The following CCDC157 variants were observed in gnomAD, a reference collection of about 807,000 sequenced individuals.
CCDC157 encodes the protein coiled-coil domain-containing protein 157.
CCDC157 carries 60 observed loss-of-function variants against 70.9 expected under a neutral mutation model. That is an observed-to-expected ratio of 0.85 (90% CI 0.69 to 1.05). The LOEUF is 1.05. Among genes scored for constraint, CCDC157 ranks in the 50% least tolerant of loss-of-function variants. The pLI is 0.00. For synonymous variants in CCDC157, 373 were observed against 422.4 expected (o/e 0.88, Z 1.43); for missense variants, 943 against 984.2 (o/e 0.96, Z 0.56).
At chr22:30,363,205 C>T (rs959587377) in intron 2 of CCDC157, among the ~76,000 whole-genome samples, 1 of 152,180 alleles carries the variant, frequency 6.6e-6, no homozygotes, top group Non-Finnish European at 1.5e-5. Flanking sequence ...GCTTCTCCAC[C>T]TTCTGAGTCA....
rs988810802 is a variant in CCDC157, at chr22:30,373,638, C to T, written c.1377C>T (p.Asp459=). 6.4e-7 allele frequency: 1 copy of T among 1,558,084 alleles called. No homozygotes were observed. The highest frequency in any genetic ancestry group is 1.2e-5 in the South Asian group (1 of 84,824). ...AGCGAGCCCTGCTAAAGCAGCTGGA[C>T]AGCCTGGACCAGGAACGTGAGGAGC... ...AKQRALLKQL[D]SLDQEREELR... is the part of the protein sequence containing the mutation. The change falls in exon 8 of 12, where the codon GAC becomes GAT. Residue 459 remains aspartate, a synonymous_variant. Transcript: ENST00000338306.
In CCDC157 at chr22:30,370,409, CA is replaced by C; in HGVS notation, c.506del (p.Lys169SerfsTer2). The C allele has an allele frequency of 6.2e-7, 1 of 1,614,114 alleles. No homozygotes were observed. Among genetic ancestry groups the C allele is most frequent in the Non-Finnish European group, 8.5e-7 (1 of 1,180,030 alleles). ...CCAGGAGCCCTGAATATCTGACTAC[CA>C]AGTTAATCAAGCCCTCCTCCCCAGT... is the stretch of plus-strand genomic sequence containing the variant. ...PARSPEYLTT[K>X]LIKPSSPVLG... On this transcript the variant is annotated frameshift_variant, in exon 5 of 12. Transcript: ENST00000338306. LOFTEE classifies it high-confidence loss of function.
In CCDC157 at chr22:30,377,011, C is replaced by T; in HGVS notation, c.*266C>T. On this transcript the variant is annotated 3_prime_UTR_variant, in exon 12 of 12. Transcript: ENST00000338306. ...AGAGGCTGTGGGATAGGAGAGTACACCCAGGGCAGAGGAAGCTCCTAAGAC... is the reference window on the plus strand; with the variant it reads ...AGAGGCTGTGGGATAGGAGAGTACATCCAGGGCAGAGGAAGCTCCTAAGAC... The T allele has an allele frequency of 1.8e-6, 1 of 546,436 alleles. No individual in the cohort carries two copies. Among genetic ancestry groups the T allele is most frequent in the Non-Finnish European group, 3.3e-6 (1 of 304,774 alleles). 33.8% of individuals were successfully genotyped at this position (546,436 alleles called of 1,614,324 possible).
chr22:30,356,945 A>G (rs1931913591), upstream of CCDC157: 1 of 600,596 alleles, frequency 1.7e-6, no homozygotes, highest in Non-Finnish European at 2.4e-6. Flanking sequence ...CACTTCCGGG[A>G]CCGTCCCCTC....
rs1184159203 is a variant in CCDC157 at position 30,375,527 on chromosome 22, C to G, written c.1721C>G (p.Ser574Cys). The G allele has an allele frequency of 6.2e-7, 1 of 1,614,102 alleles. No homozygotes were observed. Among genetic ancestry groups the G allele is most frequent in the Non-Finnish European group, 8.5e-7 (1 of 1,180,052 alleles). Residue 574 changes from serine to cysteine, a missense_variant, in exon 10 of 12, where the codon TCT (serine) becomes TGT (cysteine). Coordinates refer to ENST00000338306, the MANE Select transcript of CCDC157 (RefSeq NM_001017437.5). Reference protein sequence around the residue: ...VESQITCPTDSGNVTDHMERQ... With the variant: ...VESQITCPTDCGNVTDHMERQ... Reference sequence around the variant, plus strand: ...TCCCAGATAACATGTCCCACAGACTCTGGCAACGTCACAGATCACATGGAG... The same window carrying G: ...TCCCAGATAACATGTCCCACAGACTGTGGCAACGTCACAGATCACATGGAG...
upstream of CCDC157, chr22:30,356,885 G>A (rs1464771015): frequency 2.3e-5 from 25 of 1,103,550 alleles, no homozygotes; most frequent in Non-Finnish European, 2.9e-5. Context: ...CGACGAGCTC[G>A]CAAGATGGCG....
intron 2 of CCDC157, among the ~76,000 whole-genome samples, chr22:30,365,173 G>A (rs1415896556): frequency 6.6e-6 from 1 of 152,194 alleles, no homozygotes; most frequent in Non-Finnish European, 1.5e-5. Context: ...CTTGGAGGAG[G>A]TAATATCCAG....
chr22:30,356,870 C>A, upstream of CCDC157: 4 of 1,195,284 alleles, frequency 3.3e-6, no homozygotes, highest in South Asian at 5.6e-5. Flanking sequence ...CCCGCTCGGT[C>A]AGTACGACGA....
intron 2 of CCDC157, among the ~76,000 whole-genome samples, chr22:30,362,327 GAA>G (rs1424719116): frequency 6.6e-6 from 1 of 152,224 alleles, no homozygotes; most frequent in Non-Finnish European, 1.5e-5. Flanking sequence ...ATGCTGGGAA[GAA>G]AAAGAACAGG....
intron 1 of CCDC157, among the ~76,000 whole-genome samples, chr22:30,359,643 G>A (rs903122120): frequency 7.9e-5 from 12 of 152,152 alleles, no homozygotes; most frequent in Non-Finnish European, 1.5e-5. Flanking sequence ...ATGGCCATGT[G>A]TTGTCAAACA....
chr22:30,358,199 A>C (rs1343383392), intron 1 of CCDC157, among the ~76,000 whole-genome samples: 1 of 152,092 alleles, frequency 6.6e-6, no homozygotes, highest in African/African-American at 2.4e-5. Context: ...TGCTCTCTCA[A>C]GTCTTCCCCC....
At chr22:30,358,129 C>T (rs566430625) in intron 1 of CCDC157, among the ~76,000 whole-genome samples, 3 of 152,304 alleles carry the variant, frequency 2.0e-5, no homozygotes, top group South Asian at 4.1e-4. Context: ...GAGCTGGCTC[C>T]GAACCTGTTC....
At chr22:30,367,530 C>T (rs978986849) in intron 3 of CCDC157, among the ~76,000 whole-genome samples, 1 of 151,992 alleles carries the variant, frequency 6.6e-6, no homozygotes, top group African/African-American at 2.4e-5. Context: ...TGAGCTACTG[C>T]ACCTGGCTGG....
chr22:30,374,619 C>T (rs780197865), intron 9 of CCDC157: 1 of 456,982 alleles, frequency 2.2e-6, no homozygotes, highest in South Asian at 1.5e-5. Flanking sequence ...AATCCTTTTG[C>T]AGAGCTGGCA....
chr22:30,373,571 C>T lies in CCDC157; in HGVS notation c.1336-26C>T, dbSNP rs577202070. The stretch of plus-strand genomic sequence containing the variant: ...GGCCTAGCCCTGTGGGTCTCACAGC[C>T]TCCCTGCTTGTCCGTTCCTGCTTAG... On this transcript the variant is annotated intron_variant, in intron 7 of 11. Coordinates refer to ENST00000338306, the MANE Select transcript of CCDC157 (RefSeq NM_001017437.5). 65 of 1,551,352 alleles carry T rather than the reference C, an allele frequency of 4.2e-5. No individual in the cohort carries two copies. The Middle Eastern group carries it at 5.1e-4, about 12-fold the overall frequency.
At chr22:30,371,439 A>C (rs907149186) in intron 5 of CCDC157, 1 of 583,846 alleles carries the variant, frequency 1.7e-6, no homozygotes, top group African/African-American at 1.9e-5. Flanking sequence ...CAAGGCCCAG[A>C]GAGGTGTAGA....
At chr22:30,364,719 C>T (rs1932602389) in intron 2 of CCDC157, among the ~76,000 whole-genome samples, 1 of 151,370 alleles carries the variant, frequency 6.6e-6, no homozygotes, top group Non-Finnish European at 1.5e-5. Context: ...AGGAGAATTG[C>T]TTGAACCCAG....
rs909342425 is a variant in CCDC157, at chr22:30,375,515, G to T, written c.1709G>T (p.Cys570Phe). Reference protein sequence around the residue: ...RSSSVESQITCPTDSGNVTDH... With the variant: ...RSSSVESQITFPTDSGNVTDH... ...AGCAGCGTGGAATCCCAGATAACAT[G>T]TCCCACAGACTCTGGCAACGTCACA... The change falls in exon 10 of 12, where the codon TGT (cysteine) becomes TTT (phenylalanine). Residue 570 changes from cysteine (C) to phenylalanine (F), a missense_variant. Physicochemically the swap from Cys to Phe is radical, Grantham distance 205. Coordinates refer to ENST00000338306, the MANE Select transcript of CCDC157 (RefSeq NM_001017437.5). 1 of 1,614,066 alleles carries T rather than the reference G, an allele frequency of 6.2e-7. No homozygotes were observed. The highest frequency in any genetic ancestry group is 1.3e-5 in the African/African-American group (1 of 74,942).
In CCDC157 at chr22:30,369,577, A is replaced by G; in HGVS notation, c.394A>G (p.Thr132Ala). The G allele has an allele frequency of 6.3e-7, 1 of 1,581,438 alleles. No homozygotes were observed. The highest frequency in any genetic ancestry group is 1.1e-5 in the South Asian group (1 of 88,216). The change falls in exon 4 of 12, where the codon ACG becomes GCG. Residue 132 changes from threonine to alanine, a missense_variant. By Grantham distance (58) the Thr-to-Ala change is moderately conservative. Coordinates refer to ENST00000338306, the MANE Select transcript of CCDC157 (RefSeq NM_001017437.5). ...RFWDSLLRLG[T>A]LHQQPLPQKG... ...CTGGGACAGCCTGCTGAGGCTGGGC[A>G]CGCTCCACCAGCAGCCACTCCCCCA...
Sources: allele counts gnomAD v4.1 joint callset (sites outside exome capture counted in the v4.1 genomes callset), GRCh38; gene constraint gnomAD v4.1.1; transcripts MANE v1.5; gene names NCBI Gene and HGNC (gene_info 2026-07-23, HGNC 2026-07-21).